The following PSD3 variants were observed in gnomAD, a reference collection of about 807,000 sequenced individuals.
The protein encoded by PSD3 is pleckstrin and Sec7 domain containing 3.
PSD3 carries 49 observed loss-of-function variants against 105.5 expected under a neutral mutation model. The observed-to-expected ratio is 0.46, with a 90% CI of 0.37 to 0.59. The LOEUF is 0.59. Among genes scored for constraint, PSD3 ranks in the 20% least tolerant of loss-of-function variants. The pLI is 0.00. For synonymous variants in PSD3, 557 were observed against 457.8 expected, an observed-to-expected ratio of 1.22 and a Z score of -2.77; for missense variants, 1,561 against 1,263.8, an observed-to-expected ratio of 1.24 and a Z score of -3.57.
At chr8:18,617,391 C>T (rs1044123484) in intron 11 of PSD3, among the ~76,000 whole-genome samples, 3 of 151,892 alleles carry the variant, frequency 2.0e-5, no homozygotes, top group African/African-American at 7.3e-5. Context: ...ATTAGCTGGT[C>T]GTGATGGTGG....
intron 1 of PSD3, among the ~76,000 whole-genome samples, chr8:19,078,405 G>T (rs73668932): frequency 0.038 from 5,709 of 152,142 alleles, 306 homozygotes; most frequent in African/African-American, 0.12. Context: ...TAATTATACA[G>T]TAATGTATAA....
intron 1 of PSD3, among the ~76,000 whole-genome samples, chr8:19,031,557 T>A (rs1422591203): frequency 1.7e-5 from 2 of 114,846 alleles, no homozygotes; most frequent in African/African-American, 5.8e-5. Context: ...TCAAGAACAA[T>A]CTGAAAAAAG....
At chr8:18,896,307 G>A (rs918635501) in intron 2 of PSD3, among the ~76,000 whole-genome samples, 3 of 152,180 alleles carry the variant, frequency 2.0e-5, no homozygotes, top group Non-Finnish European at 4.4e-5. Flanking sequence ...TCAACATACT[G>A]ATTTCCTTTT....
intron 9 of PSD3, among the ~76,000 whole-genome samples, chr8:18,761,263 T>C (rs1164622999): frequency 6.6e-6 from 1 of 152,148 alleles, no homozygotes; most frequent in Non-Finnish European, 1.5e-5. Flanking sequence ...TATGTATCTT[T>C]GGAAAGCAGC....
intron 2 of PSD3, among the ~76,000 whole-genome samples, chr8:18,873,718 G>T (rs1281269547): frequency 6.6e-6 from 1 of 152,004 alleles, no homozygotes; most frequent in African/African-American, 2.4e-5. Context: ...CCTTTGACCA[G>T]CACCTCCCCA....
rs1809997591 is a variant in PSD3, at chr8:18,793,990, T to C, written c.2082+5305A>G. Among the ~76,000 whole-genome samples the C allele has an allele frequency of 3.0e-5, 2 of 66,688 alleles. 1 individual carries two copies. Among genetic ancestry groups the C allele is most frequent in the Non-Finnish European group, 9.0e-5 (2 of 22,278 alleles). The allele number at this position is 66,688 out of a possible 152,430, so 43.7% of individuals were successfully genotyped here. On this transcript the variant is annotated intron_variant, in intron 8 of 15. Coordinates refer to ENST00000327040, the MANE Select transcript of PSD3 (RefSeq NM_015310.4). ...AGAGATCAGATTGTTACTGTGTCTG[T>C]GTAGAAAGAAGTAGACATAGGAGAC... is the stretch of plus-strand genomic sequence containing the variant.
At chr8:18,651,396 A>G (rs1345153550) in intron 10 of PSD3, among the ~76,000 whole-genome samples, 1 of 152,244 alleles carries the variant, frequency 6.6e-6, no homozygotes, top group Non-Finnish European at 1.5e-5. Flanking sequence ...TCTTCCATGC[A>G]TTATCCTACA....
intron 10 of PSD3, among the ~76,000 whole-genome samples, chr8:18,646,856 C>T (rs188916807): frequency 1.2e-3 from 182 of 152,152 alleles, no homozygotes; most frequent in South Asian, 6.2e-3. Context: ...TAAAAGAGCC[C>T]TAGAAGGCTT....
intron 9 of PSD3, among the ~76,000 whole-genome samples, chr8:18,715,480 G>T (rs959306320): frequency 7.2e-5 from 11 of 152,132 alleles, no homozygotes; most frequent in African/African-American, 2.7e-4. Flanking sequence ...TTATTAAAGA[G>T]TAAGTGCTCT....
Position 18,533,903 on chromosome 8 carries a change from G to T in PSD3, c.*1840C>A, listed in dbSNP as rs190923956. On this transcript the variant is annotated 3_prime_UTR_variant, in exon 16 of 16. Transcript: ENST00000327040. ...TAGTTACTGCCTTTACCCAAACAAGGCAGAGAGTTAAAAGTGAGGTTTTTT... is the reference window on the plus strand; with the variant it reads ...TAGTTACTGCCTTTACCCAAACAAGTCAGAGAGTTAAAAGTGAGGTTTTTT... The T allele has an allele frequency of 1.4e-5, 2 of 142,482 alleles. No homozygotes were observed. The highest frequency in any genetic ancestry group is 5.0e-5 in the African/African-American group (2 of 39,864). 8.8% of individuals were successfully genotyped at this position (142,482 alleles called of 1,614,324 possible).
rs370717867 is a variant in PSD3 at position 19,051,280 on chromosome 8, T to A, written c.324+32926A>T. On this transcript the variant is annotated intron_variant, in intron 1 of 1. Transcript: ENST00000521475. ...CTCGTCCTTCAGTTCTCAGTTTCAG[T>A]TCCATTATCCAGGTCCTAAGAAGGC... 7.4e-3 allele frequency among the ~76,000 whole-genome samples: 1,120 copies of A among 152,212 alleles called. 14 individuals are homozygous for A. Among genetic ancestry groups the A allele is most frequent in the African/African-American group, 0.025 (1,045 of 41,552 alleles).
At chr8:18,798,012 C>A (rs934860445) in intron 8 of PSD3, among the ~76,000 whole-genome samples, 1 of 152,074 alleles carries the variant, frequency 6.6e-6, no homozygotes. Context: ...AACAGCCAGA[C>A]AAAGCAGTGA....
chr8:19,012,177 G>A (rs1339002684), intron 1 of PSD3, among the ~76,000 whole-genome samples: 1 of 152,080 alleles, frequency 6.6e-6, no homozygotes, highest in Non-Finnish European at 1.5e-5. Context: ...ACTCCTTTTA[G>A]TACAAAAAGC....
chr8:18,784,289 T>C (rs116253785), intron 8 of PSD3, among the ~76,000 whole-genome samples: 149 of 152,304 alleles, frequency 9.8e-4, no homozygotes, highest in African/African-American at 3.2e-3. Context: ...CTCCCTCCAA[T>C]TCTGTCCATT....
chr8:18,578,675 G>T lies in PSD3; in HGVS notation c.2482-3390C>A, dbSNP rs568292674. On this transcript the variant is annotated intron_variant, in intron 12 of 15. Transcript: ENST00000327040. ...ATATTCTTCGAGTATATTATCTGCT[G>T]ATATCTTCATTTAAAATCAAGCTCA... is the stretch of plus-strand genomic sequence containing the variant. Among the ~76,000 whole-genome samples, 10 of 151,472 alleles carry T rather than the reference G, an allele frequency of 6.6e-5. No homozygotes were observed. In the South Asian group the frequency reaches 2.1e-3, roughly 32 times the overall value.
At chr8:18,680,136 T>C (rs1295878442) in intron 9 of PSD3, among the ~76,000 whole-genome samples, 2 of 152,166 alleles carry the variant, frequency 1.3e-5, no homozygotes, top group African/African-American at 2.4e-5. Flanking sequence ...AGTTAAAAAT[T>C]AGTACTAGAA....
intron 9 of PSD3, among the ~76,000 whole-genome samples, chr8:18,709,382 G>A (rs1316838372): frequency 1.3e-5 from 2 of 152,206 alleles, no homozygotes; most frequent in African/African-American, 4.8e-5. Flanking sequence ...GGCGGCCACT[G>A]TCTCTGGTTC....
At position 18,934,757 on chromosome 8, in the gene PSD3, G is replaced by T. The variant is rs963270156; in HGVS notation, c.130+1277C>A. Reference sequence around the variant, plus strand: ...ACACAGTTTATAAGTTCAAGGCCAGGTTCAAACTCAAGAAGTCTAGATCCA... The same window carrying T: ...ACACAGTTTATAAGTTCAAGGCCAGTTTCAAACTCAAGAAGTCTAGATCCA... On this transcript the variant is annotated intron_variant, in intron 2 of 15. Coordinates refer to ENST00000327040, the MANE Select transcript of PSD3 (RefSeq NM_015310.4). 3.7e-4 allele frequency among the ~76,000 whole-genome samples: 56 copies of T among 152,094 alleles called. 1 individual carries two copies. Among genetic ancestry groups the T allele is most frequent in the Admixed American group, 1.9e-3 (29 of 15,268 alleles).
At position 18,818,484 on chromosome 8, in the gene PSD3, T is replaced by C. The variant is rs530864337; in HGVS notation, c.1635-13586A>G. The stretch of plus-strand genomic sequence containing the variant: ...GTTCTTTAATGTGAATTAGATGTTA[T>C]CTGCCATCTAACTCAATCTCAAAGT... On this transcript the variant is annotated intron_variant, in intron 4 of 15. Transcript: ENST00000327040. Among the ~76,000 whole-genome samples the C allele has an allele frequency of 5.9e-5, 9 of 152,300 alleles. No individual in the cohort carries two copies. In the South Asian group the frequency reaches 6.2e-4, roughly 11 times the overall value.
Sources: gnomAD v4.1 joint callset for allele counts (sites outside exome capture counted in the v4.1 genomes callset) on GRCh38, gnomAD v4.1.1 for gene constraint, MANE v1.5 for transcripts, NCBI Gene and HGNC (gene_info 2026-07-23, HGNC 2026-07-21) for gene names.